Variants in ARHGAP8 observed in about 807,000 individuals in gnomAD.
ARHGAP8 encodes the protein rho GTPase-activating protein 8.
Under a neutral mutation model 46.1 loss-of-function variants are expected in ARHGAP8, and 62 were observed. The ratio of observed to expected loss-of-function variants is 1.34; its 90% confidence interval spans 1.10 to 1.66. The LOEUF is 1.66. Ranked by LOEUF, ARHGAP8 falls within the 40% of genes most tolerant of loss-of-function variation. The probability of loss-of-function intolerance (pLI) is 0.00; values close to 1 mark genes in which losing one functional copy is unlikely to be tolerated. For synonymous variants in ARHGAP8, 375 were observed against 243.1 expected, an observed-to-expected ratio of 1.54 and a Z score of -5.05; for missense variants, 923 against 568.4, an observed-to-expected ratio of 1.62 and a Z score of -6.34.
At chr22:44,855,665 A>G (rs1656831412) in intron 10 of ARHGAP8, among the ~76,000 whole-genome samples, 1 of 152,116 alleles carries the variant, frequency 6.6e-6, no homozygotes, top group Non-Finnish European at 1.5e-5. Context: ...TACCTAATCC[A>G]ATGTAACTCG....
intron 10 of ARHGAP8, among the ~76,000 whole-genome samples, chr22:44,852,099 G>C (rs1170345506): frequency 6.8e-6 from 1 of 146,582 alleles, no homozygotes; most frequent in African/African-American, 2.5e-5. Flanking sequence ...GCTGAGGCAC[G>C]AGAACTGCTT....
chr22:44,827,633 T>G (rs1300271617), intron 7 of ARHGAP8, among the ~76,000 whole-genome samples: 3 of 152,074 alleles, frequency 2.0e-5, no homozygotes, highest in East Asian at 1.9e-4. Context: ...GTGAGCCACC[T>G]CGCCTGGCCC....
chr22:44,852,209 A>C (rs958633742), intron 10 of ARHGAP8, among the ~76,000 whole-genome samples: 1 of 137,296 alleles, frequency 7.3e-6, no homozygotes, highest in Non-Finnish European at 1.6e-5. Flanking sequence ...AAAAAAAAAA[A>C]AAAAAAAAGG....
chr22:44,796,766 C>T (rs548022178), intron 2 of ARHGAP8, among the ~76,000 whole-genome samples: 2 of 152,280 alleles, frequency 1.3e-5, no homozygotes, highest in African/African-American at 2.4e-5. Context: ...TTGCATTGTT[C>T]GTAATAAAGC....
chr22:44,801,442 T>C (rs1453789579), intron 2 of ARHGAP8, among the ~76,000 whole-genome samples: 1,453 of 61,452 alleles, frequency 0.024, 13 homozygotes, highest in Admixed American at 0.037. Context: ...TGGGGGCACC[T>C]CTCCCCGCAG....
intron 1 of ARHGAP8, among the ~76,000 whole-genome samples, chr22:44,775,406 C>T (rs775677012): frequency 6.6e-6 from 1 of 152,060 alleles, no homozygotes; most frequent in African/African-American, 2.4e-5. Flanking sequence ...GACCTGTGGA[C>T]AACTCCAGCA....
intron 1 of ARHGAP8, among the ~76,000 whole-genome samples, chr22:44,782,906 G>T (rs968087702): frequency 1.3e-5 from 2 of 152,226 alleles, no homozygotes; most frequent in East Asian, 1.9e-4. Flanking sequence ...TGTTTTCCAC[G>T]GCACGCTTTA....
intron 1 of ARHGAP8, among the ~76,000 whole-genome samples, chr22:44,753,939 G>C (rs745808947): frequency 6.6e-6 from 1 of 152,202 alleles, no homozygotes; most frequent in Non-Finnish European, 1.5e-5. Context: ...TGGCCTCTCT[G>C]TTGGCAGCTT....
chr22:44,860,405 T>A (rs770985480), intron 11 of ARHGAP8, among the ~76,000 whole-genome samples: 4 of 151,988 alleles, frequency 2.6e-5, no homozygotes, highest in African/African-American at 4.8e-5. Context: ...TCACTCCAGC[T>A]ATGCCTCCAG....
chr22:44,831,033 T>C (rs1930909475), intron 7 of ARHGAP8, among the ~76,000 whole-genome samples: 1 of 152,262 alleles, frequency 6.6e-6, no homozygotes, highest in African/African-American at 2.4e-5. Flanking sequence ...CTTTTCATTG[T>C]TGTAAAGATT....
intron 1 of ARHGAP8, among the ~76,000 whole-genome samples, chr22:44,774,417 A>G (rs1297738092): frequency 6.6e-6 from 1 of 152,158 alleles, no homozygotes; most frequent in Non-Finnish European, 1.5e-5. Context: ...TATCCAATCA[A>G]CAACATCAAC....
At position 44,861,669 on chromosome 22, in the gene ARHGAP8, C is replaced by T. The variant is rs921781810; in HGVS notation, c.982-606C>T. Among the ~76,000 whole-genome samples, 11 of 152,310 alleles carry T rather than the reference C, an allele frequency of 7.2e-5. No individual in the cohort carries two copies. In the East Asian group the frequency reaches 1.4e-3, roughly 19 times the overall value. On this transcript the variant is annotated intron_variant, in intron 11 of 11. Coordinates refer to ENST00000356099, the MANE Select transcript of ARHGAP8 (RefSeq NM_181335.3). ...GAGCAGAGAACAGGCCCTGCCCTCA[C>T]GTTGGTCCACATGGCCCCCTGCCAC... is the stretch of plus-strand genomic sequence containing the variant.
At chr22:44,824,757 C>T (rs149755849) in intron 6 of ARHGAP8, among the ~76,000 whole-genome samples, 24 of 151,910 alleles carry the variant, frequency 1.6e-4, no homozygotes, top group South Asian at 8.4e-4. Flanking sequence ...CTCAGCCTCC[C>T]GAGTAGCTGG....
At chr22:44,796,276 G>A (rs531954959) in intron 2 of ARHGAP8, among the ~76,000 whole-genome samples, 3 of 152,298 alleles carry the variant, frequency 2.0e-5, no homozygotes, top group Middle Eastern at 6.8e-3. Flanking sequence ...GCTGGAGACC[G>A]GCCTCTGCTG....
rs1601517560 is a variant in ARHGAP8, at chr22:44,848,169, C to T, written c.748+119C>T. ...CGCAACCCACCCAACTCCCAGAAAA[C>T]ACTCAGGGTGGGGGCAGCTTCCCAG... On this transcript the variant is annotated intron_variant, in intron 9 of 11. Coordinates refer to ENST00000356099, the MANE Select transcript of ARHGAP8 (RefSeq NM_181335.3). The T allele has an allele frequency of 2.1e-6, 3 of 1,406,408 alleles. No individual in the cohort carries two copies. In the East Asian group the frequency reaches 7.5e-5, roughly 35 times the overall value. The allele number at this position is 1,406,408 out of a possible 1,614,324, so 87.1% of individuals were successfully genotyped here.
At chr22:44,849,924 A>T (rs987769459) in intron 10 of ARHGAP8, 3 of 152,150 alleles carry the variant, frequency 2.0e-5, no homozygotes, top group Admixed American at 6.5e-5. Flanking sequence ...AAGGGGCAGG[A>T]GTTACCTTTG....
At chr22:44,765,565 G>T (rs930673916) in intron 1 of ARHGAP8, among the ~76,000 whole-genome samples, 1 of 152,106 alleles carries the variant, frequency 6.6e-6, no homozygotes, top group African/African-American at 2.4e-5. Flanking sequence ...AGGACAGGTC[G>T]GGTCTGTCCC....
chr22:44,860,847 C>T (rs768739437), intron 11 of ARHGAP8, among the ~76,000 whole-genome samples: 1 of 152,212 alleles, frequency 6.6e-6, no homozygotes, highest in African/African-American at 2.4e-5. Context: ...CTCTCCAGGC[C>T]TTCGCCCCAG....
intron 7 of ARHGAP8, among the ~76,000 whole-genome samples, chr22:44,842,542 G>A (rs894559997): frequency 6.6e-6 from 1 of 152,202 alleles, no homozygotes; most frequent in African/African-American, 2.4e-5. Context: ...GAAGCCGGGG[G>A]TCACAGGCAG....
Sources: allele counts gnomAD v4.1 joint callset (sites outside exome capture counted in the v4.1 genomes callset), GRCh38; gene constraint gnomAD v4.1.1; transcripts MANE v1.5; gene names NCBI Gene and HGNC (gene_info 2026-07-23, HGNC 2026-07-21).